The following DNAH3 variants were observed in gnomAD, a reference collection of about 807,000 sequenced individuals.
DNAH3 encodes dynein axonemal heavy chain 3, also known as axonemal beta dynein heavy chain 3.
A neutral mutation model predicts 432.5 loss-of-function variants in DNAH3; 332 were observed. The ratio of observed to expected loss-of-function variants is 0.77; its 90% confidence interval spans 0.70 to 0.84. The LOEUF is 0.84. Among genes scored for constraint, DNAH3 ranks in the 40% least tolerant of loss-of-function variants. The pLI, the probability that DNAH3 is intolerant of heterozygous loss-of-function variation, is 0.00. For missense variants in DNAH3, 4,861 were observed against 5,114.0 expected, an observed-to-expected ratio of 0.95 and a Z score of 1.51; for synonymous variants, 1,956 against 1,900.2, an observed-to-expected ratio of 1.03 and a Z score of -0.76.
At chr16:21,058,450 T>G (rs1010945258) in intron 26 of DNAH3, among the ~76,000 whole-genome samples, 1 of 152,182 alleles carries the variant, frequency 6.6e-6, no homozygotes, top group African/African-American at 2.4e-5. Flanking sequence ...TTATCAAATT[T>G]TTCCATAGTT....
exon 28 of DNAH3, chr16:21,054,520 C>G (rs1367421949): frequency 6.2e-7 from 1 of 1,613,888 alleles, no homozygotes; most frequent in African/African-American, 1.3e-5. Context: ...GATCATTGCT[C>G]TTTTTCAGAA....
intron 54 of DNAH3, among the ~76,000 whole-genome samples, chr16:20,955,790 G>A (rs2084536319): frequency 6.6e-6 from 1 of 151,906 alleles, no homozygotes; most frequent in African/African-American, 2.4e-5. Flanking sequence ...GTGTATCTAT[G>A]CCCACAAAAA....
chr16:21,016,665 C>A (rs1460100696), intron 41 of DNAH3, among the ~76,000 whole-genome samples: 1 of 152,122 alleles, frequency 6.6e-6, no homozygotes, highest in African/African-American at 2.4e-5. Flanking sequence ...TGAGTATATA[C>A]ACCAGAAATA....
chr16:20,986,150 C>T (rs570024610), intron 47 of DNAH3, among the ~76,000 whole-genome samples: 4 of 151,776 alleles, frequency 2.6e-5, no homozygotes, highest in Non-Finnish European at 4.4e-5. Flanking sequence ...GCCACTGTGC[C>T]CGGCCCAGTC....
intron 59 of DNAH3, among the ~76,000 whole-genome samples, chr16:20,939,295 G>A (rs963928728): frequency 5.9e-5 from 9 of 152,124 alleles, no homozygotes; most frequent in African/African-American, 9.7e-5. Flanking sequence ...TCCCTGCTAC[G>A]GCCAACTGCC....
intron 44 of DNAH3, chr16:20,997,032 T>G: frequency 2.4e-6 from 1 of 418,072 alleles, no homozygotes; most frequent in Non-Finnish European, 4.3e-6. Context: ...CACACTGAAC[T>G]CTCCTTTTCC....
intron 16 of DNAH3, among the ~76,000 whole-genome samples, chr16:21,099,271 T>TGGATGGATGGAC (rs1203684642): frequency 2.2e-4 from 33 of 151,432 alleles, no homozygotes; most frequent in Non-Finnish European, 4.3e-4. Flanking sequence ...GATGGATGGA[T>TGGATGGATGGAC]GGACAGATGG....
At chr16:21,098,098 T>C (rs1421972387) in intron 17 of DNAH3, among the ~76,000 whole-genome samples, 1 of 152,068 alleles carries the variant, frequency 6.6e-6, no homozygotes, top group African/African-American at 2.4e-5. Flanking sequence ...GCTCAGTAAC[T>C]AATAAAGGGA....
At chr16:21,054,436 C>T (rs766929843) in exon 28 of DNAH3, 34 of 1,613,912 alleles carry the variant, frequency 2.1e-5, no homozygotes, top group South Asian at 4.4e-5. Flanking sequence ...CATCGATGAC[C>T]GTGAGGGCCC....
intron 33 of DNAH3, among the ~76,000 whole-genome samples, chr16:21,038,540 C>T (rs1045731515): frequency 2.0e-5 from 3 of 152,134 alleles, no homozygotes; most frequent in Non-Finnish European, 4.4e-5. Context: ...TGGCTGTAGA[C>T]TCATTTTGGA....
rs1024874837 is a variant in DNAH3, at chr16:20,969,760, C to CCACTGCCAGGAA, written c.8458+31_8458+32insTTCCTGGCAGTG. ...CACCCCACTGCCAGGAAAGAGCAGC[C>CCACTGCCAGGAA]TGTGCAGGCATCTGGGTGGGGTGGC... On this transcript the variant is annotated intron_variant, in intron 52 of 61. Transcript: ENST00000261383. The CCACTGCCAGGAA allele has an allele frequency of 7.4e-6, 12 of 1,612,594 alleles. No individual in the cohort carries two copies. In the Admixed American group the frequency reaches 2.0e-4, roughly 27 times the overall value.
chr16:20,985,029 T>C lies in DNAH3; in HGVS notation c.7665+48A>G. On this transcript the variant is annotated intron_variant, in intron 48 of 61. Transcript: ENST00000261383. ...AAACACCCAGAAGAACAAGGGCAAA[T>C]GGAGTTTTCTTCTTCTTACCGAGGA... 1 of 1,564,510 alleles carries C rather than the reference T, an allele frequency of 6.4e-7. No individual in the cohort carries two copies. Among genetic ancestry groups the C allele is most frequent in the Non-Finnish European group, 8.7e-7 (1 of 1,154,782 alleles).
chr16:21,154,740 G>A (rs1416753922), intron 1 of DNAH3, among the ~76,000 whole-genome samples: 1 of 152,124 alleles, frequency 6.6e-6, no homozygotes, highest in East Asian at 1.9e-4. Context: ...CTTGAACTTG[G>A]TTATGAAATC....
chr16:21,125,334 C>T, exon 9 of DNAH3: 3 of 1,611,304 alleles, frequency 1.9e-6, no homozygotes, highest in Non-Finnish European at 2.5e-6. Flanking sequence ...AGTGCTCCTT[C>T]CGTGAGGTAA....
In DNAH3 at chr16:21,098,789, G is replaced by A. The variant is rs1250276380; in HGVS notation, c.2367-20C>T. ...GAGCATCTGAAAATAAAGACAGCCT[G>A]GTTACCTTTGGACTTTGCATTTTGT... On this transcript the variant is annotated intron_variant, in intron 16 of 61. Transcript: ENST00000261383. 6 of 1,604,000 alleles carry A rather than the reference G, an allele frequency of 3.7e-6. No individual in the cohort carries two copies. The highest frequency in any genetic ancestry group is 5.1e-6 in the Non-Finnish European group (6 of 1,176,764).
intron 37 of DNAH3, among the ~76,000 whole-genome samples, chr16:21,028,333 C>T (rs1049406779): frequency 2.6e-5 from 4 of 152,122 alleles, no homozygotes; most frequent in Admixed American, 1.3e-4. Context: ...CATAAGCCAC[C>T]GTGCCTGGCC....
intron 28 of DNAH3, among the ~76,000 whole-genome samples, chr16:21,053,621 T>G (rs2090033255): frequency 2.0e-5 from 3 of 152,140 alleles, no homozygotes; most frequent in African/African-American, 7.2e-5. Context: ...TCTCCCTCCC[T>G]GATGTTATGC....
At chr16:21,058,234 A>C in intron 26 of DNAH3, 38 bp from the exon 27 acceptor site, 3 of 1,316,582 alleles carry the variant, frequency 2.3e-6, no homozygotes, top group Non-Finnish European at 3.3e-6. Context: ...GGATCAGTTC[A>C]CGTGTGGTTT....
chr16:20,970,077 G>A (rs1458331696), intron 51 of DNAH3, 87 bp from the exon 52 acceptor site: 3 of 1,256,696 alleles, frequency 2.4e-6, no homozygotes, highest in Non-Finnish European at 2.3e-6. Context: ...ACATGAGGAA[G>A]AAGGAAGAGG....
Sources: gnomAD v4.1 joint callset for allele counts (sites outside exome capture counted in the v4.1 genomes callset) on GRCh38, gnomAD v4.1.1 for gene constraint, MANE v1.5 for transcripts, NCBI Gene and HGNC (gene_info 2026-07-23, HGNC 2026-07-21) for gene names.